Variants in PARVA observed in about 807,000 individuals in gnomAD.
PARVA encodes parvin alpha, also known as alpha-parvin.
A neutral mutation model predicts 52.6 loss-of-function variants in PARVA; 25 were observed. That is an observed-to-expected ratio of 0.48 (90% confidence interval 0.35 to 0.66). The LOEUF (loss-of-function observed/expected upper bound fraction) is 0.66, where lower values mean the gene tolerates loss of function less well. Among genes scored for constraint, PARVA ranks in the 30% least tolerant of loss-of-function variants. The pLI is 0.01. For missense variants in PARVA, 373 were observed against 450.9 expected, an observed-to-expected ratio of 0.83 and a Z score of 1.56; for synonymous variants, 185 against 179.1, an observed-to-expected ratio of 1.03 and a Z score of -0.26.
At chr11:12,420,966 A>T in intron 1 of PARVA, among the ~76,000 whole-genome samples, 1 of 151,788 alleles carries the variant, frequency 6.6e-6, no homozygotes, top group East Asian at 1.9e-4. Flanking sequence ...GGATCCTTCA[A>T]TGATCACTCA....
chr11:12,515,259 G>C (rs1941552606), intron 10 of PARVA, among the ~76,000 whole-genome samples: 1 of 152,080 alleles, frequency 6.6e-6, no homozygotes, highest in Admixed American at 6.6e-5. Context: ...TTTCATTCTT[G>C]GTGAGCTTCT....
intron 4 of PARVA, among the ~76,000 whole-genome samples, chr11:12,486,239 A>G (rs1488311388): frequency 6.6e-6 from 1 of 152,232 alleles, no homozygotes; most frequent in African/African-American, 2.4e-5. Flanking sequence ...TGAAAAGTCT[A>G]TTTAAAATAA....
intron 1 of PARVA, among the ~76,000 whole-genome samples, chr11:12,460,298 C>G (rs1010816518): frequency 2.0e-5 from 3 of 152,130 alleles, no homozygotes; most frequent in African/African-American, 7.2e-5. Flanking sequence ...AACCTTGGCT[C>G]CACTTTCTAG....
intron 1 of PARVA, among the ~76,000 whole-genome samples, chr11:12,467,212 C>G (rs1420616457): frequency 1.3e-5 from 2 of 152,052 alleles, no homozygotes; most frequent in African/African-American, 4.8e-5. Context: ...TGTAAATTAG[C>G]CTTGTATCCT....
chr11:12,483,770 G>T (rs914074491), intron 4 of PARVA, among the ~76,000 whole-genome samples: 1 of 152,114 alleles, frequency 6.6e-6, no homozygotes, highest in Non-Finnish European at 1.5e-5. Flanking sequence ...ACTTCTCTGC[G>T]CTGTTGATGT....
intron 1 of PARVA, among the ~76,000 whole-genome samples, chr11:12,455,204 G>A (rs939070208): frequency 6.6e-6 from 1 of 152,166 alleles, no homozygotes; most frequent in African/African-American, 2.4e-5. Flanking sequence ...CTCTCTTTTT[G>A]TGATGTTAGG....
intron 1 of PARVA, among the ~76,000 whole-genome samples, chr11:12,382,006 CT>C (rs1219517279): frequency 3.9e-5 from 6 of 152,314 alleles, no homozygotes; most frequent in Middle Eastern, 3.4e-3. Context: ...CAAGAGATCA[CT>C]TTTAACTGCG....
intron 1 of PARVA, among the ~76,000 whole-genome samples, chr11:12,431,159 C>T (rs1434575535): frequency 1.3e-5 from 2 of 152,306 alleles, no homozygotes; most frequent in East Asian, 3.9e-4. Flanking sequence ...CCCCCAATAC[C>T]CCTGCCAGTG....
At chr11:12,397,440 G>A (rs78888360) in intron 1 of PARVA, among the ~76,000 whole-genome samples, 16,582 of 152,178 alleles carry the variant, frequency 0.11, 1,258 homozygotes, top group African/African-American at 0.21. Context: ...ATGCCAGTTT[G>A]TCTGCACAAT....
In PARVA at chr11:12,410,202, C is replaced by T. The variant is rs75555433; in HGVS notation, c.136+32419C>T. ...CTCCGGGCTGGGCCACCCAGGCCCC[C>T]GGGACTGCAGGGCAGGGATCAGGTT... On this transcript the variant is annotated intron_variant, in intron 1 of 12. Coordinates refer to ENST00000334956, the MANE Select transcript of PARVA (RefSeq NM_018222.5). Among the ~76,000 whole-genome samples, 98 of 152,328 alleles carry T rather than the reference C, an allele frequency of 6.4e-4. 1 individual carries two copies. The East Asian group carries it at 0.016, about 25-fold the overall frequency.
chr11:12,442,948 G>A (rs141143819), intron 1 of PARVA, among the ~76,000 whole-genome samples: 2,676 of 143,628 alleles, frequency 0.019, 89 homozygotes, highest in African/African-American at 0.062. Flanking sequence ...TGCAAGTTCC[G>A]CCTCCCGGGT....
rs564337596 is a variant in PARVA, at chr11:12,427,130, TTTAA to T, written c.137-46609_137-46606del. On this transcript the variant is annotated intron_variant, in intron 1 of 12. Coordinates refer to ENST00000334956, the MANE Select transcript of PARVA (RefSeq NM_018222.5). ...AGGCTAATAAGACAGGGTTTTAAAT[TTTAA>T]TTAATATAGTAGAGCTACTGAATGA... 4.6e-4 allele frequency among the ~76,000 whole-genome samples: 70 copies of T among 152,234 alleles called. 1 individual carries two copies. The highest frequency in any genetic ancestry group is 3.1e-4 in the Non-Finnish European group (21 of 68,016).
chr11:12,496,676 C>T, intron 5 of PARVA, 78 bp downstream of exon 5: 1 of 1,456,810 alleles, frequency 6.9e-7, no homozygotes, highest in Non-Finnish European at 9.3e-7. Context: ...AGAAGCCATC[C>T]ATAAGCTTGG....
chr11:12,526,038 T>C (rs1564871584), intron 12 of PARVA, among the ~76,000 whole-genome samples: 1 of 152,076 alleles, frequency 6.6e-6, no homozygotes, highest in African/African-American at 2.4e-5. Context: ...TACAGAGTGA[T>C]ATAACGGACT....
Position 12,505,301 on chromosome 11 carries a change from G to T in PARVA, c.657+872G>T, listed in dbSNP as rs566088979. Among the ~76,000 whole-genome samples the T allele has an allele frequency of 3.4e-3, 523 of 152,278 alleles. 7 individuals carry two copies. The highest frequency in any genetic ancestry group is 0.012 in the African/African-American group (500 of 41,564). On this transcript the variant is annotated intron_variant, in intron 6 of 12. Coordinates refer to ENST00000334956, the MANE Select transcript of PARVA (RefSeq NM_018222.5). ...AATAGGGAATGATAACAGTGGCTCT[G>T]CCATCCCTTGATAAGAAAAAGCCTT...
At chr11:12,476,100 G>A (rs188466391) in intron 3 of PARVA, among the ~76,000 whole-genome samples, 70 of 152,236 alleles carry the variant, frequency 4.6e-4, no homozygotes, top group African/African-American at 1.5e-3. Context: ...GGGTAAGGAC[G>A]GTCAGAATGG....
At chr11:12,499,425 A>G (rs1402467805) in intron 5 of PARVA, among the ~76,000 whole-genome samples, 1 of 150,480 alleles carries the variant, frequency 6.6e-6, no homozygotes, top group Admixed American at 6.6e-5. Flanking sequence ...CTGGGGCTTT[A>G]GGGATTTCTT....
At chr11:12,409,839 T>C (rs151320025) in intron 1 of PARVA, among the ~76,000 whole-genome samples, 26 of 152,370 alleles carry the variant, frequency 1.7e-4, no homozygotes, top group African/African-American at 5.8e-4. Flanking sequence ...TACGAAGTTT[T>C]TGCACCAAAC....
In PARVA at chr11:12,514,948, A is replaced by C. The variant is rs117100251; in HGVS notation, c.867+883A>C. Among the ~76,000 whole-genome samples the C allele has an allele frequency of 7.9e-4, 121 of 152,306 alleles. 1 individual carries two copies. In the East Asian group the frequency reaches 0.02, roughly 25 times the overall value. On this transcript the variant is annotated intron_variant, in intron 10 of 12. Transcript: ENST00000334956. ...ACTCCTCGGCCTTTCTTGTTGTGGCACTGACACTTTTTGAAGTGTTCAGGC... is the reference window on the plus strand; with the variant it reads ...ACTCCTCGGCCTTTCTTGTTGTGGCCCTGACACTTTTTGAAGTGTTCAGGC...
Sources: gnomAD v4.1 joint callset for allele counts (sites outside exome capture counted in the v4.1 genomes callset) on GRCh38, gnomAD v4.1.1 for gene constraint, MANE v1.5 for transcripts, NCBI Gene and HGNC (gene_info 2026-07-23, HGNC 2026-07-21) for gene names.